The following DCDC2 variants were observed in gnomAD, a reference collection of about 807,000 sequenced individuals.
DCDC2 encodes the protein doublecortin domain-containing protein 2.
Under a neutral mutation model 50.2 loss-of-function variants are expected in DCDC2, and 40 were observed. That is an observed-to-expected ratio of 0.80 (90% CI 0.62 to 1.04). DCDC2 has a LOEUF of 1.04. Ranked by LOEUF, DCDC2 falls within the 50% of genes least tolerant of loss-of-function variation. DCDC2 has a pLI of 0.00. For missense variants in DCDC2, 570 were observed against 581.9 expected (o/e 0.98, Z 0.21); for synonymous variants, 234 against 210.6 (o/e 1.11, Z -0.96).
At chr6:24,296,493 T>C (rs1362542421) in intron 4 of DCDC2, among the ~76,000 whole-genome samples, 1 of 152,126 alleles carries the variant, frequency 6.6e-6, no homozygotes. Flanking sequence ...ACTTAAGAGC[T>C]TCTGCACATC....
At chr6:24,252,283 T>C (rs559327982) in intron 7 of DCDC2, among the ~76,000 whole-genome samples, 2 of 152,324 alleles carry the variant, frequency 1.3e-5, no homozygotes, top group African/African-American at 4.8e-5. Flanking sequence ...TAAATCTGTA[T>C]ATTTAACTAT....
At chr6:24,363,373 C>A in the DCDC2 span, among the ~76,000 whole-genome samples, 1 of 152,104 alleles carries the variant, frequency 6.6e-6, no homozygotes, top group South Asian at 2.1e-4. Context: ...TAGTGGCATG[C>A]TCCTGTAGTC....
chr6:24,231,153 C>T (rs1420459974), intron 7 of DCDC2, among the ~76,000 whole-genome samples: 1 of 152,236 alleles, frequency 6.6e-6, no homozygotes, highest in Admixed American at 6.5e-5. Context: ...AGGTCCCTTT[C>T]CTCCCACATT....
chr6:24,252,422 A>C (rs1337278804), intron 7 of DCDC2, among the ~76,000 whole-genome samples: 1 of 152,230 alleles, frequency 6.6e-6, no homozygotes, highest in Non-Finnish European at 1.5e-5. Context: ...TAAGGTCTAA[A>C]GGACACAAAG....
chr6:24,255,770 G>A (rs1762887419), intron 7 of DCDC2, among the ~76,000 whole-genome samples: 1 of 152,048 alleles, frequency 6.6e-6, no homozygotes, highest in South Asian at 2.1e-4. Flanking sequence ...AATGAGTATT[G>A]GTGAGGCTGT....
intron 8 of DCDC2, among the ~76,000 whole-genome samples, chr6:24,186,495 G>A (rs899530728): frequency 5.3e-5 from 8 of 152,030 alleles, no homozygotes; most frequent in South Asian, 4.1e-4. Context: ...GTGCATGTGC[G>A]CACACACACA....
In DCDC2 at chr6:24,173,888, G is replaced by A. The variant is rs1238998999; in HGVS notation, c.*842C>T. On this transcript the variant is annotated 3_prime_UTR_variant, in exon 10 of 10. Transcript: ENST00000378454. ...CTATTTGAAAATAATTTAATCTTTG[G>A]AATAGCCAATATCAGGTTCTCTAAT... 1 of 151,948 alleles carries A rather than the reference G, an allele frequency of 6.6e-6. No individual in the cohort carries two copies. The highest frequency in any genetic ancestry group is 1.9e-4 in the East Asian group (1 of 5,186). 9.4% of individuals were successfully genotyped at this position (151,948 alleles called of 1,614,324 possible). A position where few individuals can be genotyped will look rare whatever the true frequency, so the allele number is the denominator to read the frequency against.
At chr6:24,355,769 G>C (rs948316302) in intron 1 of DCDC2, among the ~76,000 whole-genome samples, 1 of 152,122 alleles carries the variant, frequency 6.6e-6, no homozygotes, top group Non-Finnish European at 1.5e-5. Flanking sequence ...TCCATGAAAA[G>C]AATGTCTGAC....
chr6:24,252,164 G>A (rs1762807296), intron 7 of DCDC2, among the ~76,000 whole-genome samples: 1 of 152,124 alleles, frequency 6.6e-6, no homozygotes, highest in Non-Finnish European at 1.5e-5. Context: ...TTTGATTTCA[G>A]ACCAAATACC....
Position 24,175,731 on chromosome 6 carries a change from G to A in DCDC2, c.1327-897C>T, listed in dbSNP as rs150421561. ...TGGTATTTTCCTACAATCATATCTC[G>A]CTTTGTACAAGAATTGTTACATGGA... On this transcript the variant is annotated intron_variant, in intron 9 of 9. Coordinates refer to ENST00000378454, the MANE Select transcript of DCDC2 (RefSeq NM_016356.5). 1.0e-3 allele frequency among the ~76,000 whole-genome samples: 154 copies of A among 152,082 alleles called. 1 individual carries two copies. The highest frequency in any genetic ancestry group is 3.5e-3 in the African/African-American group (144 of 41,480).
At chr6:24,331,212 T>A (rs542213057) in intron 2 of DCDC2, among the ~76,000 whole-genome samples, 33 of 152,244 alleles carry the variant, frequency 2.2e-4, no homozygotes, top group African/African-American at 7.9e-4. Context: ...ACTCAACCCT[T>A]TAAAGTGCAT....
chr6:24,233,014 C>A (rs1452116475), intron 7 of DCDC2, among the ~76,000 whole-genome samples: 4 of 152,134 alleles, frequency 2.6e-5, no homozygotes, highest in African/African-American at 9.7e-5. Context: ...CAATGGTTTT[C>A]CCAAAGCTGA....
chr6:24,370,968 CTG>C, the DCDC2 span, among the ~76,000 whole-genome samples: 1 of 152,042 alleles, frequency 6.6e-6, no homozygotes, highest in Non-Finnish European at 1.5e-5. Context: ...TATTAGCAAA[CTG>C]TACAACCAAT....
chr6:24,364,826 G>A, the DCDC2 span, among the ~76,000 whole-genome samples: 1 of 152,046 alleles, frequency 6.6e-6, no homozygotes, highest in Non-Finnish European at 1.5e-5. Context: ...CACGTGCAGA[G>A]GTGTGCACCT....
upstream of DCDC2, among the ~76,000 whole-genome samples, chr6:24,358,770 TTTTATATATAATATATAAA>T (rs1561788184): frequency 1.1e-5 from 1 of 89,296 alleles, no homozygotes; most frequent in African/African-American, 4.7e-5. Context: ...TATTATATAT[TTTTATATATAATATATAAA>T]ATATATATTT....
At chr6:24,355,856 TTA>T (rs1178224516) in intron 1 of DCDC2, among the ~76,000 whole-genome samples, 3 of 152,204 alleles carry the variant, frequency 2.0e-5, no homozygotes, top group African/African-American at 7.2e-5. Flanking sequence ...TTCAAGAATT[TTA>T]GTGATATTTT....
At chr6:24,377,866 G>A in the DCDC2 span, among the ~76,000 whole-genome samples, 13 of 152,136 alleles carry the variant, frequency 8.5e-5, no homozygotes, top group Non-Finnish European at 1.8e-4. Context: ...GCAGGTGCCT[G>A]TAATCCCAGC....
At chr6:24,327,451 A>AAGTTATTTATTT (rs568793518) in intron 2 of DCDC2, among the ~76,000 whole-genome samples, 1,079 of 83,798 alleles carry the variant, frequency 0.013, 57 homozygotes, top group Admixed American at 0.023. Context: ...CAACATTATA[A>AAGTTATTTATTT]ACTTATTTAT....
intron 2 of DCDC2, among the ~76,000 whole-genome samples, chr6:24,306,574 A>ACAGG (rs1312533760): frequency 5.0e-4 from 75 of 150,184 alleles, no homozygotes; most frequent in Non-Finnish European, 6.1e-4. Context: ...AGACAGACAG[A>ACAGG]CAAAATATTT....
Sources: allele counts gnomAD v4.1 joint callset (sites outside exome capture counted in the v4.1 genomes callset), GRCh38; gene constraint gnomAD v4.1.1; transcripts MANE v1.5; gene names NCBI Gene and HGNC (gene_info 2026-07-23, HGNC 2026-07-21).